Variants in PLEKHG2 observed in about 807,000 individuals in gnomAD.
PLEKHG2 encodes pleckstrin homology domain-containing family G member 2.
In PLEKHG2, 71 loss-of-function variants were observed where a neutral mutation model predicts 104.4. The observed-to-expected ratio is 0.68, with a 90% CI of 0.56 to 0.83. The LOEUF (loss-of-function observed/expected upper bound fraction) is 0.83, where lower values mean the gene tolerates loss of function less well. Ranked by LOEUF, PLEKHG2 falls within the 40% of genes least tolerant of loss-of-function variation. The pLI is 0.00. For synonymous variants in PLEKHG2, 728 were observed against 737.0 expected (o/e 0.99, Z 0.20); for missense variants, 1,730 against 1,809.4 (o/e 0.96, Z 0.80).
chr19:39,421,393 A>G, intron 16 of PLEKHG2, 94 bp downstream of exon 16: 1 of 1,373,446 alleles, frequency 7.3e-7, no homozygotes, highest in Non-Finnish European at 1.0e-6. Flanking sequence ...TCTGAATGAG[A>G]AGGGGATTGG....
Position 39,416,295 on chromosome 19 carries a change from C to A in PLEKHG2, c.480-53C>A. The A allele has an allele frequency of 6.3e-7, 1 of 1,590,526 alleles. No individual in the cohort carries two copies. The highest frequency in any genetic ancestry group is 8.6e-7 in the Non-Finnish European group (1 of 1,161,480). ...GGGCCTCAGCCTCCTGGAGGCCTCC[C>A]ATGGAGGGGTCGTGAAGGCAGGCGG... On this transcript the variant is annotated intron_variant, in intron 4 of 18. Coordinates refer to ENST00000425673, the MANE Select transcript of PLEKHG2 (RefSeq NM_022835.3). The surrounding 1 kb of genome is among the most constrained non-coding windows in gnomAD (Gnocchi z 4.5).
rs953915241 is a variant in PLEKHG2, at chr19:39,427,584, C to A, written c.*2290C>A. ...ACCTCAGGTGATCCGCCCACCTCGGCCTCCCAAAGTGTTGGGTTTACAGGC... is the reference window on the plus strand; with the variant it reads ...ACCTCAGGTGATCCGCCCACCTCGGACTCCCAAAGTGTTGGGTTTACAGGC... On this transcript the variant is annotated 3_prime_UTR_variant, in exon 19 of 19. Coordinates refer to ENST00000425673, the MANE Select transcript of PLEKHG2 (RefSeq NM_022835.3). The A allele has an allele frequency of 6.6e-6, 1 of 152,208 alleles. No homozygotes were observed. Among genetic ancestry groups the A allele is most frequent in the South Asian group, 2.1e-4 (1 of 4,832 alleles). The allele number at this position is 152,208 out of a possible 1,614,324, so 9.4% of individuals were successfully genotyped here. A position where few individuals can be genotyped will look rare whatever the true frequency, so the allele number is the denominator to read the frequency against.
chr19:39,416,695 C>G lies in PLEKHG2; in HGVS notation c.593+98C>G. The G allele has an allele frequency of 6.6e-7, 1 of 1,515,276 alleles. No individual in the cohort carries two copies. Among genetic ancestry groups the G allele is most frequent in the South Asian group, 1.2e-5 (1 of 85,546 alleles). The allele number at this position is 1,515,276 out of a possible 1,614,324, so 93.9% of individuals were successfully genotyped here. On this transcript the variant is annotated intron_variant, in intron 6 of 18. Coordinates refer to ENST00000425673, the MANE Select transcript of PLEKHG2 (RefSeq NM_022835.3). This position sits in a 1 kb window ranked among gnomAD's most constrained non-coding sequence, Gnocchi z 4.5. ...CCTCTACCCCCGACCCATCCAGCAC[C>G]GACCCCTGCCAGGCTGTGACAGTAA...
Position 39,422,773 on chromosome 19 carries a change from G to C in PLEKHG2, c.1719G>C (p.Gln573His). 2.0e-6 allele frequency: 3 copies of C among 1,525,654 alleles called. No homozygotes were observed. The highest frequency in any genetic ancestry group is 2.6e-6 in the Non-Finnish European group (3 of 1,139,454). 94.5% of individuals were successfully genotyped at this position (1,525,654 alleles called of 1,614,324 possible). Reference sequence around the variant, plus strand: ...TTCCCAAGTTCCCCGGAGACTCCCAGGTGCCTGGCGACAGCGAAACCCTCA... The same window carrying C: ...TTCCCAAGTTCCCCGGAGACTCCCACGTGCCTGGCGACAGCGAAACCCTCA... ...HDIPKFPGDS[Q>H]VPGDSETLTF... is the part of the protein sequence containing the mutation. The change falls in exon 18 of 19, where the codon CAG (glutamine) becomes CAC (histidine). Residue 573 changes from glutamine to histidine, a missense_variant. Transcript: ENST00000425673.
In PLEKHG2 at chr19:39,425,770, G is replaced by A. The variant is rs967987133; in HGVS notation, c.*476G>A. 4 of 180,848 alleles carry A rather than the reference G, an allele frequency of 2.2e-5. No individual in the cohort carries two copies. The highest frequency in any genetic ancestry group is 1.5e-4 in the East Asian group (1 of 6,860). 11.2% of individuals were successfully genotyped at this position (180,848 alleles called of 1,614,324 possible). ...TCCCTTGGCAATTTATACAGTTCAC[G>A]TCTCCCACCATCCGTTCATCTCACC... On this transcript the variant is annotated 3_prime_UTR_variant, in exon 19 of 19. Transcript: ENST00000425673.
intron 2 of PLEKHG2, 101 bp from the exon 3 acceptor site, chr19:39,414,891 G>A (rs1001391754): frequency 1.7e-5 from 23 of 1,352,914 alleles, no homozygotes; most frequent in Non-Finnish European, 2.2e-5. Flanking sequence ...TGGGAAAGCT[G>A]TTGGACAGGT....
Position 39,413,972 on chromosome 19 carries a change from C to A in PLEKHG2, c.-22-93C>A. The A allele has an allele frequency of 1.2e-6, 1 of 836,810 alleles. No individual in the cohort carries two copies. The highest frequency in any genetic ancestry group is 1.8e-6 in the Non-Finnish European group (1 of 543,866). 51.8% of individuals were successfully genotyped at this position (836,810 alleles called of 1,614,324 possible). A position where few individuals can be genotyped will look rare whatever the true frequency, so the allele number is the denominator to read the frequency against. ...TCCCAGGGGCCCCTCCCTGGATTTACACCACGCTCCTAATTCCCAGCCCCC... is the reference window on the plus strand; with the variant it reads ...TCCCAGGGGCCCCTCCCTGGATTTAAACCACGCTCCTAATTCCCAGCCCCC... On this transcript the variant is annotated intron_variant, in intron 1 of 18. Transcript: ENST00000425673. This position sits in a 1 kb window ranked among gnomAD's most constrained non-coding sequence, Gnocchi z 4.5.
intron 8 of PLEKHG2, 63 bp downstream of exon 8, chr19:39,417,755 G>GGGGGGGGGGGC: frequency 6.6e-7 from 1 of 1,525,380 alleles, no homozygotes; most frequent in Non-Finnish European, 8.8e-7. Flanking sequence ...CTTGGGGCGG[G>GGGGGGGGGGGC]TGGGGGGAAA....
In PLEKHG2 at chr19:39,420,974, T is replaced by A; in HGVS notation, c.1425T>A (p.Ile475=). ...NTAPSPGPSV[I]RRGRRQSEPV... ...CTCCATCTCCTGGGCCCTCTGTGAT[T>A]CGCCGAGGCCGCAGGCAGTCTGGTG... The change falls in exon 14 of 19, where the codon ATT becomes ATA. Residue 475 remains isoleucine, a synonymous_variant. Transcript: ENST00000425673. The A allele has an allele frequency of 6.2e-7, 1 of 1,614,018 alleles. No homozygotes were observed. Among genetic ancestry groups the A allele is most frequent in the Non-Finnish European group, 8.5e-7 (1 of 1,180,012 alleles).
Position 39,417,887 on chromosome 19 carries a change from C to G in PLEKHG2, c.883-18C>G, listed in dbSNP as rs561134087. The G allele has an allele frequency of 2.6e-4, 402 of 1,532,862 alleles. No individual in the cohort carries two copies. The highest frequency in any genetic ancestry group is 3.4e-4 in the Non-Finnish European group (393 of 1,142,646). The allele number at this position is 1,532,862 out of a possible 1,614,324, so 95.0% of individuals were successfully genotyped here. A position where few individuals can be genotyped will look rare whatever the true frequency, so the allele number is the denominator to read the frequency against. ...TGCTTGTCTCTGCGCCCCGGCGCAC[C>G]TGGCGGGGTCCCGGCAGGAAGTGCA... is the stretch of plus-strand genomic sequence containing the variant. On this transcript the variant is annotated intron_variant, in intron 8 of 18. Coordinates refer to ENST00000425673, the MANE Select transcript of PLEKHG2 (RefSeq NM_022835.3).
rs200497858 is a variant in PLEKHG2 at position 39,421,313 on chromosome 19, C to T, written c.1503+14C>T. 41 of 1,612,932 alleles carry T rather than the reference C, an allele frequency of 2.5e-5. No individual in the cohort carries two copies. In the African/African-American group the frequency reaches 4.3e-4, roughly 17 times the overall value. The stretch of plus-strand genomic sequence containing the variant: ...CCTGGATTCAAGGTAAGAGATATCT[C>T]GAGATAGGGTCTGGGCACCTTGACT... On this transcript the variant is annotated intron_variant, in intron 16 of 18. Coordinates refer to ENST00000425673, the MANE Select transcript of PLEKHG2 (RefSeq NM_022835.3).
rs780615072 is a variant in PLEKHG2 at position 39,415,024 on chromosome 19, G to A, written c.142G>A (p.Gly48Ser). ...PAAPTMASPR[G>S]SGSSTSLSTV... ...AGCCCCCACCATGGCCTCCCCCCGA[G>A]GTTCTGGGAGCTCCACATCCCTGAG... The change falls in exon 3 of 19, where the codon GGT (glycine) becomes AGT (serine). Residue 48 changes from glycine to serine, a missense_variant. Transcript: ENST00000425673. The surrounding 1 kb of genome is among the most constrained non-coding windows in gnomAD (Gnocchi z 4.6). The A allele has an allele frequency of 4.4e-6, 7 of 1,597,748 alleles. No homozygotes were observed. Among genetic ancestry groups the A allele is most frequent in the Non-Finnish European group, 2.6e-6 (3 of 1,170,846 alleles).
At position 39,423,389 on chromosome 19, in the gene PLEKHG2, C is replaced by T; in HGVS notation, c.2335C>T (p.Leu779=). Residue 779 remains leucine (L), a synonymous_variant, in exon 18 of 19, where the codon CTG becomes TTG. Transcript: ENST00000425673. ...SAWQALEQGQ[L]ARPGFPEPLL... is the part of the protein sequence containing the mutation. ...CTGGCAGGCATTGGAACAGGGACAG[C>T]TGGCCCGGCCAGGCTTCCCAGAGCC... The T allele has an allele frequency of 6.2e-7, 1 of 1,611,620 alleles. No individual in the cohort carries two copies. The highest frequency in any genetic ancestry group is 8.5e-7 in the Non-Finnish European group (1 of 1,178,784).
chr19:39,423,941 C>T lies in PLEKHG2; in HGVS notation c.2808C>T (p.Thr936=), dbSNP rs748509305. 8.1e-6 allele frequency: 13 copies of T among 1,614,058 alleles called. No individual in the cohort carries two copies. In the African/African-American group the frequency reaches 1.5e-4, roughly 18 times the overall value. Residue 936 remains threonine (T), a synonymous_variant, in exon 19 of 19, where the codon ACC becomes ACT. Transcript: ENST00000425673. ...DLPGIHVSAA[T]LLPEQGGSRH... is the part of the protein sequence containing the mutation. The stretch of plus-strand genomic sequence containing the variant: ...CGGGCATCCACGTTTCAGCTGCTAC[C>T]CTTTTGCCTGAGCAAGGAGGTTCCC...
In PLEKHG2 at chr19:39,413,325, A is replaced by G. The variant is rs905357240; in HGVS notation, c.-110A>G. On this transcript the variant is annotated 5_prime_UTR_variant, in exon 1 of 19. Coordinates refer to ENST00000425673, the MANE Select transcript of PLEKHG2 (RefSeq NM_022835.3). The surrounding 1 kb of genome is among the most constrained non-coding windows in gnomAD (Gnocchi z 4.5). ...TGAGAGCCCGAAGTTCACGCCCCTG[A>G]GTCTGGGCTCCGCACCTCCCTGGGG... is the stretch of plus-strand genomic sequence containing the variant. The G allele has an allele frequency of 1.3e-5, 2 of 152,120 alleles. No homozygotes were observed. Among genetic ancestry groups the G allele is most frequent in the Non-Finnish European group, 2.9e-5 (2 of 68,046 alleles). The allele number at this position is 152,120 out of a possible 1,614,324, so 9.4% of individuals were successfully genotyped here. A position where few individuals can be genotyped will look rare whatever the true frequency, so the allele number is the denominator to read the frequency against.
chr19:39,421,653 C>G, intron 16 of PLEKHG2: 1 of 380,434 alleles, frequency 2.6e-6, no homozygotes. Flanking sequence ...CACACCACTG[C>G]ACTCCAGCAT....
intron 17 of PLEKHG2, 144 bp downstream of exon 17, chr19:39,422,432 C>A: frequency 1.0e-6 from 1 of 973,926 alleles, no homozygotes; most frequent in Non-Finnish European, 1.4e-6. Flanking sequence ...GGCTGGAGTG[C>A]AGTGGCGCCA....
At position 39,425,163 on chromosome 19, in the gene PLEKHG2, G is replaced by A. The variant is rs781220609; in HGVS notation, c.4030G>A (p.Gly1344Ser). 4.4e-6 allele frequency: 7 copies of A among 1,599,052 alleles called. No individual in the cohort carries two copies. Among genetic ancestry groups the A allele is most frequent in the Non-Finnish European group, 5.1e-6 (6 of 1,174,344 alleles). ...SYATTVNIHV[G>S]GGGRLRPAKA... is the part of the protein sequence containing the mutation. ...TGCCACGACGGTTAACATCCACGTG[G>A]GCGGGGGTGGGCGGCTGCGGCCAGC... is the stretch of plus-strand genomic sequence containing the variant. The change falls in exon 19 of 19, where the codon GGC becomes AGC. Residue 1344 changes from glycine to serine, a missense_variant. Gly to Ser is a moderately conservative substitution (Grantham distance 56). Transcript: ENST00000425673.
Position 39,425,449 on chromosome 19 carries a change from T to G in PLEKHG2, c.*155T>G. 1.6e-6 allele frequency: 2 copies of G among 1,239,832 alleles called. No individual in the cohort carries two copies. Among genetic ancestry groups the G allele is most frequent in the East Asian group, 2.7e-5 (1 of 36,594 alleles). The allele number at this position is 1,239,832 out of a possible 1,614,324, so 76.8% of individuals were successfully genotyped here. On this transcript the variant is annotated 3_prime_UTR_variant, in exon 19 of 19. Coordinates refer to ENST00000425673, the MANE Select transcript of PLEKHG2 (RefSeq NM_022835.3). ...GCATCGGCGAATGGCCCTTCTTGCC[T>G]TGATCCACAGGGATGGGGAAGGGAG...
Sources: allele counts gnomAD v4.1 joint callset, GRCh38; gene constraint gnomAD v4.1.1; non-coding constraint Gnocchi (gnomAD v3.1); transcripts MANE v1.5; gene names NCBI Gene and HGNC (gene_info 2026-07-23, HGNC 2026-07-21).